IL19: variants seen among roughly 807,000 people sequenced by gnomAD.
The protein encoded by IL19 is interleukin 19, also known as interleukin-19.
A neutral mutation model predicts 19.5 loss-of-function variants in IL19; 15 were observed. The ratio of observed to expected loss-of-function variants is 0.77; its 90% CI spans 0.52 to 1.19. The LOEUF (loss-of-function observed/expected upper bound fraction) is 1.19. IL19 is among the 50% of genes most tolerant of loss of function. The probability of loss-of-function intolerance (pLI) is 0.00; values close to 1 mark genes in which losing one functional copy is unlikely to be tolerated. For synonymous variants in IL19, 78 were observed against 78.3 expected, an observed-to-expected ratio of 1.00 and a Z score of 0.02; for missense variants, 199 against 213.1, an observed-to-expected ratio of 0.93 and a Z score of 0.41.
At chr1:206,811,004 CA>C (rs1387051621) in intron 2 of IL19, among the ~76,000 whole-genome samples, 1 of 152,186 alleles carries the variant, frequency 6.6e-6, no homozygotes, top group Non-Finnish European at 1.5e-5. Context: ...GATGCCAGTG[CA>C]ATGCTTCTTG....
intron 1 of IL19, among the ~76,000 whole-genome samples, chr1:206,785,979 AAC>A (rs1675261674): frequency 6.6e-6 from 1 of 152,006 alleles, no homozygotes; most frequent in Admixed American, 6.5e-5. Context: ...ACAGGATGTA[AAC>A]TGTGTGTTAG....
At position 206,791,936 on chromosome 1, in the gene IL19, T is replaced by C. The variant is rs145516073; in HGVS notation, c.-148-6925T>C. On this transcript the variant is annotated intron_variant, in intron 1 of 6. Transcript: ENST00000659997. The stretch of plus-strand genomic sequence containing the variant: ...ATGTTCCTGGTCCTGTGCATGTGTG[T>C]GTGTGTGTGCATTTAACTGTGGGTG... Among the ~76,000 whole-genome samples the C allele has an allele frequency of 2.6e-3, 392 of 152,322 alleles. 2 individuals carry two copies. Among genetic ancestry groups the C allele is most frequent in the Non-Finnish European group, 4.3e-3 (292 of 68,014 alleles).
chr1:206,811,559 A>G (rs1435394418), intron 2 of IL19, among the ~76,000 whole-genome samples: 1 of 151,994 alleles, frequency 6.6e-6, no homozygotes, highest in Non-Finnish European at 1.5e-5. Context: ...TGGACAAATG[A>G]CGCATCCTGT....
intron 1 of IL19, among the ~76,000 whole-genome samples, chr1:206,790,336 C>T (rs1326215547): frequency 6.6e-6 from 1 of 152,012 alleles, no homozygotes; most frequent in Admixed American, 6.6e-5. Flanking sequence ...CTCTCAGTAT[C>T]CCAGAAAAAA....
chr1:206,774,805 T>C (rs771286327), intron 1 of IL19, among the ~76,000 whole-genome samples: 1 of 152,094 alleles, frequency 6.6e-6, no homozygotes, highest in South Asian at 2.1e-4. Flanking sequence ...AAGAGTGCCC[T>C]GTAAGCCTGG....
At chr1:206,817,078 G>T (rs1016658786) in intron 2 of IL19, among the ~76,000 whole-genome samples, 1 of 151,280 alleles carries the variant, frequency 6.6e-6, no homozygotes, top group Admixed American at 6.6e-5. Flanking sequence ...CTGATATCAA[G>T]AAAAAAAAAC....
intron 2 of IL19, among the ~76,000 whole-genome samples, chr1:206,801,054 A>G (rs1356410949): frequency 1.3e-5 from 2 of 152,158 alleles, no homozygotes; most frequent in Non-Finnish European, 2.9e-5. Context: ...CCAAATTGCA[A>G]CCTTCCTCAG....
At position 206,777,280 on chromosome 1, in the gene IL19, G is replaced by A. The variant is rs1298174239; in HGVS notation, c.-149+6202G>A. Among the ~76,000 whole-genome samples the A allele has an allele frequency of 2.1e-5, 3 of 141,000 alleles. 1 individual carries two copies. Among genetic ancestry groups the A allele is most frequent in the African/African-American group, 8.1e-5 (3 of 36,940 alleles). The allele number at this position is 141,000 out of a possible 152,430, so 92.5% of individuals were successfully genotyped here. ...AATTTAGCTAGGTGTGGTGGTTGGCGCCTGTAGTCCCAGCTACTTGGGAGG... is the reference window on the plus strand; with the variant it reads ...AATTTAGCTAGGTGTGGTGGTTGGCACCTGTAGTCCCAGCTACTTGGGAGG... On this transcript the variant is annotated intron_variant, in intron 1 of 6. Coordinates refer to ENST00000659997, the MANE Select transcript of IL19 (RefSeq NM_153758.5).
intron 2 of IL19, among the ~76,000 whole-genome samples, chr1:206,833,280 T>C (rs1027432048): frequency 2.5e-4 from 38 of 152,332 alleles, no homozygotes; most frequent in African/African-American, 8.4e-4. Flanking sequence ...AAAAGCAAAC[T>C]GGTCATTTAA....
intron 2 of IL19, among the ~76,000 whole-genome samples, chr1:206,813,622 A>G (rs1400843811): frequency 2.0e-5 from 3 of 152,012 alleles, no homozygotes. Flanking sequence ...AATAATTTTA[A>G]CCTTTTCTCT....
intron 1 of IL19, among the ~76,000 whole-genome samples, chr1:206,793,118 G>A (rs1329357032): frequency 7.2e-5 from 11 of 152,194 alleles, no homozygotes; most frequent in African/African-American, 2.4e-4. Flanking sequence ...GGACACCCAC[G>A]CAAGCCACTG....
intron 2 of IL19, among the ~76,000 whole-genome samples, chr1:206,823,223 CCTAAACATTTTTTTT>C (rs1245411504): frequency 6.6e-6 from 1 of 152,062 alleles, no homozygotes; most frequent in African/African-American, 2.4e-5. Context: ...CCGCACCTGG[CCTAAACATTTTTTTT>C]CTAGGTGATC....
At chr1:206,787,542 C>T (rs1337841358) in intron 1 of IL19, among the ~76,000 whole-genome samples, 2 of 152,108 alleles carry the variant, frequency 1.3e-5, no homozygotes, top group Non-Finnish European at 2.9e-5. Context: ...ATGGTAAAGA[C>T]CTAGGTCCGG....
intron 1 of IL19, chr1:206,771,521 TG>T: frequency 1.1e-6 from 1 of 920,180 alleles, no homozygotes; most frequent in Non-Finnish European, 1.7e-6. Flanking sequence ...TAAATAAAAT[TG>T]GCTCTGGCCC....
intron 1 of IL19, chr1:206,772,567 A>G: frequency 4.8e-6 from 4 of 825,312 alleles, no homozygotes; most frequent in East Asian, 2.6e-5. Context: ...AAAAGCCACA[A>G]TCAAGGTTTC....
chr1:206,784,885 T>C (rs948622375), intron 1 of IL19, among the ~76,000 whole-genome samples: 1 of 152,156 alleles, frequency 6.6e-6, no homozygotes, highest in Non-Finnish European at 1.5e-5. Context: ...GAGGAGGAAG[T>C]GTTGTTGGTG....
chr1:206,777,964 T>A lies in IL19; in HGVS notation c.-149+6886T>A, dbSNP rs576301211. Reference sequence around the variant, plus strand: ...CACCCAAAGTGTGGCCAGTTTGGGGTGCAAGGAGACAGGAGTCTGTGAGCA... The same window carrying A: ...CACCCAAAGTGTGGCCAGTTTGGGGAGCAAGGAGACAGGAGTCTGTGAGCA... On this transcript the variant is annotated intron_variant, in intron 1 of 6. Transcript: ENST00000659997. 3.9e-5 allele frequency among the ~76,000 whole-genome samples: 6 copies of A among 152,192 alleles called. No individual in the cohort carries two copies. The South Asian group carries it at 1.2e-3, about 32-fold the overall frequency.
chr1:206,841,784 C>T (rs774216880), intron 6 of IL19, among the ~76,000 whole-genome samples: 2 of 152,162 alleles, frequency 1.3e-5, no homozygotes, highest in Non-Finnish European at 2.9e-5. Context: ...AGGTATTGCT[C>T]TAGGCACACA....
At chr1:206,836,559 C>A in intron 2 of IL19, 102 bp from the exon 3 acceptor site, 2 of 1,095,530 alleles carry the variant, frequency 1.8e-6, no homozygotes, top group Non-Finnish European at 2.6e-6. Flanking sequence ...TTGTATTCCT[C>A]CCGGCTTGCC....
Sources: gnomAD v4.1 joint callset for allele counts (sites outside exome capture counted in the v4.1 genomes callset) on GRCh38, gnomAD v4.1.1 for gene constraint, MANE v1.5 for transcripts, NCBI Gene and HGNC (gene_info 2026-07-23, HGNC 2026-07-21) for gene names.